GPC5: variants seen among roughly 807,000 people sequenced by gnomAD.
GPC5 encodes the protein glypican 5, also known as glypican-5.
GPC5 carries 47 observed loss-of-function variants against 53.9 expected under a neutral mutation model. The ratio of observed to expected loss-of-function variants is 0.87; its 90% CI spans 0.69 to 1.11. The LOEUF is 1.11. Ranked by LOEUF, GPC5 falls within the 50% of genes most tolerant of loss-of-function variation. The probability of loss-of-function intolerance (pLI) is 0.00; values close to 1 mark genes in which losing one functional copy is unlikely to be tolerated. For synonymous variants in GPC5, 286 were observed against 263.3 expected (o/e 1.09, Z -0.84); for missense variants, 748 against 713.1 (o/e 1.05, Z -0.56).
At chr13:91,927,627 A>G (rs2039781566) in intron 6 of GPC5, among the ~76,000 whole-genome samples, 1 of 152,188 alleles carries the variant, frequency 6.6e-6, no homozygotes, top group Admixed American at 6.5e-5. Context: ...TCTAGTTTCA[A>G]TCTAGGAAGA....
intron 6 of GPC5, chr13:91,996,486 T>A (rs915359469): frequency 6.6e-6 from 1 of 152,252 alleles, no homozygotes; most frequent in African/African-American, 2.4e-5. Flanking sequence ...TATAAATATT[T>A]ATTTCTGCAA....
chr13:91,418,053 G>A (rs549485006), intron 1 of GPC5, among the ~76,000 whole-genome samples: 1 of 152,056 alleles, frequency 6.6e-6, no homozygotes, highest in Non-Finnish European at 1.5e-5. Flanking sequence ...ACTCCATCCT[G>A]CCTGGGACAT....
chr13:91,717,391 G>T (rs1190990163), intron 3 of GPC5, among the ~76,000 whole-genome samples: 1 of 152,184 alleles, frequency 6.6e-6, no homozygotes, highest in Non-Finnish European at 1.5e-5. Context: ...GGGACCTGGA[G>T]GGAAGGATTA....
At chr13:92,787,680 AAAAG>A (rs1876295851) in intron 7 of GPC5, among the ~76,000 whole-genome samples, 2 of 148,688 alleles carry the variant, frequency 1.3e-5, no homozygotes, top group Admixed American at 6.7e-5. Flanking sequence ...AAAAAAAAAA[AAAAG>A]AAAAGAAAAG....
intron 5 of GPC5, among the ~76,000 whole-genome samples, chr13:91,829,882 C>A (rs4406937): frequency 0.61 from 93,072 of 151,890 alleles, 29,048 homozygotes; most frequent in East Asian, 0.95. Context: ...TTCACAAGGT[C>A]ATAGAATATC....
chr13:92,497,212 T>A (rs2138924521), intron 7 of GPC5, among the ~76,000 whole-genome samples: 1 of 152,332 alleles, frequency 6.6e-6, no homozygotes, highest in South Asian at 2.1e-4. Context: ...TGCCTGGGTT[T>A]TCTTCTAGGG....
chr13:92,329,870 G>A (rs1375340538), intron 7 of GPC5, among the ~76,000 whole-genome samples: 7 of 152,108 alleles, frequency 4.6e-5, no homozygotes, highest in Admixed American at 1.3e-4. Context: ...CTCCCAAGGA[G>A]GGTGCTTTAC....
chr13:92,307,575 A>C (rs950722806), intron 7 of GPC5, among the ~76,000 whole-genome samples: 1 of 152,270 alleles, frequency 6.6e-6, no homozygotes, highest in Non-Finnish European at 1.5e-5. Context: ...AAAGTTGGCT[A>C]TTCTTATCTG....
chr13:91,797,330 A>G (rs953982970), intron 5 of GPC5, among the ~76,000 whole-genome samples: 37 of 152,302 alleles, frequency 2.4e-4, no homozygotes, highest in African/African-American at 8.9e-4. Context: ...TACAAAAAGT[A>G]GTGGCATTTT....
chr13:91,866,068 A>G lies in GPC5; in HGVS notation c.1281-41869A>G, dbSNP rs151122559. On this transcript the variant is annotated intron_variant, in intron 5 of 7. Transcript: ENST00000377067. ...TTTTAGTAGAGATGGGGGTTTCTCC[A>G]TGTTGGTCAGGCTGGTCTCGAACTC... 2.2e-3 allele frequency among the ~76,000 whole-genome samples: 335 copies of G among 152,178 alleles called. 1 individual carries two copies. The highest frequency in any genetic ancestry group is 7.6e-3 in the African/African-American group (314 of 41,524).
At chr13:92,284,050 G>A (rs1183650192) in intron 7 of GPC5, among the ~76,000 whole-genome samples, 1 of 151,598 alleles carries the variant, frequency 6.6e-6, no homozygotes, top group South Asian at 2.1e-4. Context: ...AAATGATAAA[G>A]GGGATATCAC....
chr13:91,907,503 T>TTATA (rs369447673), intron 5 of GPC5, among the ~76,000 whole-genome samples: 57,147 of 129,122 alleles, frequency 0.44, 12,966 homozygotes, highest in East Asian at 0.62. Flanking sequence ...CTCTCTCTCT[T>TTATA]TATATATATA....
chr13:92,211,978 C>A (rs769420239), intron 7 of GPC5, among the ~76,000 whole-genome samples: 13 of 151,432 alleles, frequency 8.6e-5, no homozygotes, highest in Non-Finnish European at 1.8e-4. Flanking sequence ...AGATTGATAC[C>A]AAATCCCCAA....
intron 6 of GPC5, among the ~76,000 whole-genome samples, chr13:92,043,786 A>C (rs1327844975): frequency 6.6e-6 from 1 of 152,172 alleles, no homozygotes; most frequent in African/African-American, 2.4e-5. Flanking sequence ...CATGAGTCAG[A>C]TGTTTTAATT....
intron 3 of GPC5, among the ~76,000 whole-genome samples, chr13:91,725,862 A>T (rs73607100): frequency 1.0e-3 from 156 of 152,318 alleles, no homozygotes; most frequent in African/African-American, 3.5e-3. Flanking sequence ...ACTAAGATAC[A>T]TAGAAGTTCC....
intron 6 of GPC5, among the ~76,000 whole-genome samples, chr13:92,137,648 G>A (rs533787863): frequency 6.6e-6 from 1 of 152,172 alleles, no homozygotes; most frequent in Non-Finnish European, 1.5e-5. Flanking sequence ...TTTTGTTTGA[G>A]ACAGTTTCAC....
At chr13:92,548,866 T>G (rs1329603362) in intron 7 of GPC5, among the ~76,000 whole-genome samples, 1 of 152,048 alleles carries the variant, frequency 6.6e-6, no homozygotes, top group Non-Finnish European at 1.5e-5. Flanking sequence ...TATCAAAACA[T>G]CTCATGTGCC....
chr13:92,185,670 TAAAAC>T (rs1439633709), intron 7 of GPC5, among the ~76,000 whole-genome samples: 1 of 152,028 alleles, frequency 6.6e-6, no homozygotes. Context: ...TAAGAGTAAA[TAAAAC>T]AAAACATAAA....
At chr13:92,762,818 AGAGATT>A (rs1306658476) in intron 7 of GPC5, among the ~76,000 whole-genome samples, 7 of 151,582 alleles carry the variant, frequency 4.6e-5, no homozygotes, top group Non-Finnish European at 8.8e-5. Context: ...TTTTCAAGTT[AGAGATT>A]CTTTCTTCTT....
Sources: gnomAD v4.1 joint callset for allele counts (sites outside exome capture counted in the v4.1 genomes callset) on GRCh38, gnomAD v4.1.1 for gene constraint, MANE v1.5 for transcripts, NCBI Gene and HGNC (gene_info 2026-07-23, HGNC 2026-07-21) for gene names.